Variants in KCNMB4 observed in about 807,000 individuals in gnomAD.
The protein encoded by KCNMB4 is calcium-activated potassium channel subunit beta-4.
In KCNMB4, 3 loss-of-function variants were observed where a neutral mutation model predicts 20.7. That is an observed-to-expected ratio of 0.14 (90% CI 0.07 to 0.37). KCNMB4 has a LOEUF of 0.37. KCNMB4 is among the 10% of genes least tolerant of loss of function. KCNMB4 has a pLI of 1.00. For missense variants in KCNMB4, 168 were observed against 265.9 expected (o/e 0.63, Z 2.56); for synonymous variants, 110 against 113.4 (o/e 0.97, Z 0.19).
intron 1 of KCNMB4, among the ~76,000 whole-genome samples, chr12:70,387,285 TA>T (rs1415880395): frequency 2.6e-5 from 4 of 152,174 alleles, no homozygotes; most frequent in Admixed American, 2.0e-4. Flanking sequence ...TTTAGCAGTT[TA>T]ATTTTGCCAG....
intron 2 of KCNMB4, among the ~76,000 whole-genome samples, chr12:70,407,759 G>A (rs1417905585): frequency 4.6e-5 from 7 of 152,004 alleles, no homozygotes; most frequent in African/African-American, 1.2e-4. Context: ...GAGCCACCGC[G>A]CCCAGCCTGA....
chr12:70,430,693 T>C lies in KCNMB4; in HGVS notation c.*40T>C. 1 of 1,536,302 alleles carries C rather than the reference T, an allele frequency of 6.5e-7. No individual in the cohort carries two copies. Among genetic ancestry groups the C allele is most frequent in the Non-Finnish European group, 8.7e-7 (1 of 1,146,968 alleles). On this transcript the variant is annotated 3_prime_UTR_variant, in exon 3 of 3. Transcript: ENST00000258111. ...TGTAGAAAGCAAAGTACAGAAGCTG[T>C]ACTCATCGGCACGCGTCCACCTGCG...
chr12:70,372,890 G>T lies in KCNMB4; in HGVS notation c.336+5820G>T, dbSNP rs187047644. On this transcript the variant is annotated intron_variant, in intron 1 of 2. Coordinates refer to ENST00000258111, the MANE Select transcript of KCNMB4 (RefSeq NM_014505.6). ...AGAAAGAAGCATTTGCTATAAGTCC[G>T]AGGATGAACAGAGTTTCATCTTGGT... Among the ~76,000 whole-genome samples, 361 of 152,290 alleles carry T rather than the reference G, an allele frequency of 2.4e-3. 2 individuals are homozygous for T. The highest frequency in any genetic ancestry group is 8.5e-3 in the African/African-American group (355 of 41,574).
chr12:70,428,594 ACT>A (rs1369477769), intron 2 of KCNMB4, among the ~76,000 whole-genome samples: 2 of 151,890 alleles, frequency 1.3e-5, no homozygotes, highest in Non-Finnish European at 2.9e-5. Flanking sequence ...CTGTGTCCTG[ACT>A]CTTTTTTTAG....
At chr12:70,397,953 T>G (rs1868370430) in intron 1 of KCNMB4, among the ~76,000 whole-genome samples, 1 of 152,190 alleles carries the variant, frequency 6.6e-6, no homozygotes, top group Non-Finnish European at 1.5e-5. Context: ...CACAATAAAT[T>G]GGCACTTGCT....
intron 1 of KCNMB4, among the ~76,000 whole-genome samples, chr12:70,381,530 G>A (rs1883785749): frequency 6.6e-6 from 1 of 152,142 alleles, no homozygotes. Context: ...TTCATACAAT[G>A]GAAAATTACT....
chr12:70,409,104 A>G (rs907798263), intron 2 of KCNMB4, among the ~76,000 whole-genome samples: 1 of 152,192 alleles, frequency 6.6e-6, no homozygotes, highest in African/African-American at 2.4e-5. Context: ...GTTGGAGAGC[A>G]TAGAGTTTTT....
chr12:70,402,816 T>C (rs74536234), intron 2 of KCNMB4, among the ~76,000 whole-genome samples: 3,062 of 152,228 alleles, frequency 0.02, 64 homozygotes, highest in East Asian at 0.097. Context: ...TTCACAGTTA[T>C]AATATAGTTG....
intron 2 of KCNMB4, among the ~76,000 whole-genome samples, chr12:70,417,109 T>C (rs1217355436): frequency 6.6e-6 from 1 of 152,138 alleles, no homozygotes; most frequent in Non-Finnish European, 1.5e-5. Flanking sequence ...ATTGTGGTGA[T>C]GGGTAGATTT....
At chr12:70,414,716 T>C (rs6581940) in intron 2 of KCNMB4, among the ~76,000 whole-genome samples, 66,435 of 152,040 alleles carry the variant, frequency 0.44, 14,605 homozygotes, top group East Asian at 0.54. Context: ...AAATTTGCTC[T>C]CCCAACATTT....
At chr12:70,411,060 CACTT>C (rs1454668895) in intron 2 of KCNMB4, among the ~76,000 whole-genome samples, 1 of 152,154 alleles carries the variant, frequency 6.6e-6, no homozygotes, top group East Asian at 1.9e-4. Context: ...AAAGACTGCT[CACTT>C]ACTTAGGGTT....
chr12:70,411,292 G>A (rs1868767832), intron 2 of KCNMB4, among the ~76,000 whole-genome samples: 1 of 152,082 alleles, frequency 6.6e-6, no homozygotes, highest in Non-Finnish European at 1.5e-5. Flanking sequence ...TAATGGAGAG[G>A]GAGACAGCCC....
chr12:70,411,089 A>G (rs1038855451), intron 2 of KCNMB4, among the ~76,000 whole-genome samples: 4 of 152,228 alleles, frequency 2.6e-5, no homozygotes, highest in South Asian at 2.1e-4. Context: ...TTTCTTAACT[A>G]TAAAATTTGA....
chr12:70,430,640 G>C lies in KCNMB4; in HGVS notation c.620G>C (p.Arg207Pro). 1 of 1,608,996 alleles carries C rather than the reference G, an allele frequency of 6.2e-7. No homozygotes were observed. The highest frequency in any genetic ancestry group is 8.5e-7 in the Non-Finnish European group (1 of 1,178,710). ...LAVKAEAMKKRKFS is the reference protein window; with the variant it reads ...LAVKAEAMKKPKFS ...GTCAAGGCGGAAGCCATGAAGAAGC[G>C]CAAGTTCTCTTAAAGGGGAAGGAGG... The change falls in exon 3 of 3, where the codon CGC (arginine) becomes CCC (proline). Residue 207 changes from arginine (R) to proline (P), a missense_variant. Transcript: ENST00000258111.
At position 70,431,508 on chromosome 12, in the gene KCNMB4, T is replaced by C. The variant is rs1159873625; in HGVS notation, c.*855T>C. On this transcript the variant is annotated 3_prime_UTR_variant, in exon 3 of 3. Transcript: ENST00000258111. Reference sequence around the variant, plus strand: ...CAGCTTAGTGAAACGCTGTTTTCATTTTTTTTTTTTTTTGTAGGTCAGAAA... The same window carrying C: ...CAGCTTAGTGAAACGCTGTTTTCATCTTTTTTTTTTTTTGTAGGTCAGAAA... 1 of 144,708 alleles carries C rather than the reference T, an allele frequency of 6.9e-6. No homozygotes were observed. The highest frequency in any genetic ancestry group is 2.0e-4 in the East Asian group (1 of 5,080). 9.0% of individuals were successfully genotyped at this position (144,708 alleles called of 1,614,324 possible).
At position 70,380,621 on chromosome 12, in the gene KCNMB4, A is replaced by G. The variant is rs189695924; in HGVS notation, c.336+13551A>G. ...TGTGATACTGAATAAGGATGGACCT[A>G]CCAACCTATGGAATAGAACTGAGAG... is the stretch of plus-strand genomic sequence containing the variant. On this transcript the variant is annotated intron_variant, in intron 1 of 2. Coordinates refer to ENST00000258111, the MANE Select transcript of KCNMB4 (RefSeq NM_014505.6). Among the ~76,000 whole-genome samples the G allele has an allele frequency of 6.6e-5, 10 of 151,936 alleles. No homozygotes were observed. In the East Asian group the frequency reaches 1.7e-3, roughly 27 times the overall value.
At chr12:70,420,287 T>C (rs927032448) in intron 2 of KCNMB4, among the ~76,000 whole-genome samples, 4 of 152,178 alleles carry the variant, frequency 2.6e-5, no homozygotes, top group Non-Finnish European at 5.9e-5. Flanking sequence ...TATTTTACTT[T>C]GCTACCATGT....
chr12:70,398,107 C>T (rs777537636), intron 1 of KCNMB4, among the ~76,000 whole-genome samples: 1 of 152,016 alleles, frequency 6.6e-6, no homozygotes, highest in Non-Finnish European at 1.5e-5. Context: ...AAGTGCTGGC[C>T]CCTAAGGAAG....
chr12:70,397,324 G>C (rs953593879), intron 1 of KCNMB4, among the ~76,000 whole-genome samples: 4 of 152,026 alleles, frequency 2.6e-5, no homozygotes, highest in Non-Finnish European at 5.9e-5. Context: ...CTCCAGCCTG[G>C]GTCACAGAGC....
Sources: gnomAD v4.1 joint callset for allele counts (sites outside exome capture counted in the v4.1 genomes callset) on GRCh38, gnomAD v4.1.1 for gene constraint, MANE v1.5 for transcripts, NCBI Gene and HGNC (gene_info 2026-07-23, HGNC 2026-07-21) for gene names.